OR5A1: variants seen among roughly 807,000 people sequenced by gnomAD.
OR5A1 encodes olfactory receptor 5A1.
In OR5A1, 6 loss-of-function variants were observed where a neutral mutation model predicts 6.7. The ratio of observed to expected loss-of-function variants is 0.89; its 90% CI spans 0.49 to 1.76. The LOEUF (loss-of-function observed/expected upper bound fraction) is 1.76. Ranked by LOEUF, OR5A1 falls within the 40% of genes most tolerant of loss-of-function variation. The pLI is 0.01. For synonymous variants in OR5A1, 170 were observed against 155.0 expected, an observed-to-expected ratio of 1.10 and a Z score of -0.72; for missense variants, 378 against 381.7, an observed-to-expected ratio of 0.99 and a Z score of 0.08.
intron 1 of OR5A1, among the ~76,000 whole-genome samples, chr11:59,440,894 A>G (rs1858474929): frequency 6.6e-6 from 1 of 152,216 alleles, no homozygotes; most frequent in Non-Finnish European, 1.5e-5. Context: ...AAATGACAGC[A>G]TGATGATAGC....
Position 59,445,213 on chromosome 11 carries a change from A to G in OR5A1, c.*1097A>G, listed in dbSNP as rs1355324206. 6.6e-6 allele frequency: 1 copy of G among 152,010 alleles called. No individual in the cohort carries two copies. The highest frequency in any genetic ancestry group is 1.5e-5 in the Non-Finnish European group (1 of 68,008). The allele number at this position is 152,010 out of a possible 1,614,324, so 9.4% of individuals were successfully genotyped here. A position where few individuals can be genotyped will look rare whatever the true frequency, so the allele number is the denominator to read the frequency against. ...GTGCATTGTTCCCCTCTCTGTGTCC[A>G]TGTGTTCTCATTGTTTAGCTCTTAC... On this transcript the variant is annotated 3_prime_UTR_variant, in exon 2 of 2. Coordinates refer to ENST00000641045, the MANE Select transcript of OR5A1 (RefSeq NM_001004728.2).
Position 59,448,972 on chromosome 11 carries a change from T to A in OR5A1, c.*4856T>A, listed in dbSNP as rs1858584692. 6.6e-6 allele frequency: 1 copy of A among 152,244 alleles called. No homozygotes were observed. The highest frequency in any genetic ancestry group is 1.9e-4 in the East Asian group (1 of 5,186). 9.4% of individuals were successfully genotyped at this position (152,244 alleles called of 1,614,324 possible). On this transcript the variant is annotated 3_prime_UTR_variant, in exon 2 of 2. Transcript: ENST00000641045. ...AATTTAGAGAAGGAGCCTTTGGAGATTCCTCAGACTTCCCTGTACACAGTT... is the reference window on the plus strand; with the variant it reads ...AATTTAGAGAAGGAGCCTTTGGAGAATCCTCAGACTTCCCTGTACACAGTT...
chr11:59,438,515 C>T (rs570824150), intron 1 of OR5A1, among the ~76,000 whole-genome samples: 1 of 152,228 alleles, frequency 6.6e-6, no homozygotes, highest in African/African-American at 2.4e-5. Context: ...GGGAAATTTG[C>T]TCACCGTGAT....
Position 59,444,157 on chromosome 11 carries a change from T to A in OR5A1, c.*41T>A. ...TTATTTATCCAAACTGCTGGAGAATTAAACAATCCAAGCCTTCACCTCCAC... is the reference window on the plus strand; with the variant it reads ...TTATTTATCCAAACTGCTGGAGAATAAAACAATCCAAGCCTTCACCTCCAC... On this transcript the variant is annotated 3_prime_UTR_variant, in exon 2 of 2. Coordinates refer to ENST00000641045, the MANE Select transcript of OR5A1 (RefSeq NM_001004728.2). 1 of 1,391,320 alleles carries A rather than the reference T, an allele frequency of 7.2e-7. No individual in the cohort carries two copies. Among genetic ancestry groups the A allele is most frequent in the Non-Finnish European group, 1.0e-6 (1 of 994,922 alleles). 86.2% of individuals were successfully genotyped at this position (1,391,320 alleles called of 1,614,324 possible). A position where few individuals can be genotyped will look rare whatever the true frequency, so the allele number is the denominator to read the frequency against.
Position 59,445,147 on chromosome 11 carries a change from C to G in OR5A1, c.*1031C>G, listed in dbSNP as rs1858532171. Reference sequence around the variant, plus strand: ...GCCCCACATCCGTTAGCTATTTATCCCGATGCTCTCCCTCCTCCCTGCCTC... The same window carrying G: ...GCCCCACATCCGTTAGCTATTTATCGCGATGCTCTCCCTCCTCCCTGCCTC... On this transcript the variant is annotated 3_prime_UTR_variant, in exon 2 of 2. Coordinates refer to ENST00000641045, the MANE Select transcript of OR5A1 (RefSeq NM_001004728.2). 6.6e-6 allele frequency: 1 copy of G among 152,076 alleles called. No individual in the cohort carries two copies. The highest frequency in any genetic ancestry group is 2.4e-5 in the African/African-American group (1 of 41,398). 9.4% of individuals were successfully genotyped at this position (152,076 alleles called of 1,614,324 possible).
intron 1 of OR5A1, among the ~76,000 whole-genome samples, chr11:59,440,100 G>A (rs1417604498): frequency 6.6e-6 from 1 of 152,156 alleles, no homozygotes; most frequent in East Asian, 1.9e-4. Context: ...GTCTCCCTTT[G>A]TCACCTAGGC....
rs1434142790 is a variant in OR5A1, at chr11:59,448,398, A to G, written c.*4282A>G. On this transcript the variant is annotated 3_prime_UTR_variant, in exon 2 of 2. Transcript: ENST00000641045. ...GGCCACTAGACCAGGAGCCTCATCT[A>G]GTGGAATCCAATTTGTCAGTATCTC... is the stretch of plus-strand genomic sequence containing the variant. 6.6e-6 allele frequency: 1 copy of G among 152,222 alleles called. No homozygotes were observed. The highest frequency in any genetic ancestry group is 6.5e-5 in the Admixed American group (1 of 15,280). 9.4% of individuals were successfully genotyped at this position (152,222 alleles called of 1,614,324 possible).
chr11:59,444,474 T>C lies in OR5A1; in HGVS notation c.*358T>C, dbSNP rs956187657. 6.1e-6 allele frequency: 1 copy of C among 164,254 alleles called. No homozygotes were observed. The highest frequency in any genetic ancestry group is 2.4e-5 in the African/African-American group (1 of 41,766). 10.2% of individuals were successfully genotyped at this position (164,254 alleles called of 1,614,324 possible). ...ACTAAAATACACAATGAACTATCTG[T>C]ATGTTACAAAATAAGGAAACAGTGT... is the stretch of plus-strand genomic sequence containing the variant. On this transcript the variant is annotated 3_prime_UTR_variant, in exon 2 of 2. Coordinates refer to ENST00000641045, the MANE Select transcript of OR5A1 (RefSeq NM_001004728.2).
intron 1 of OR5A1, among the ~76,000 whole-genome samples, chr11:59,440,229 A>G (rs944606171): frequency 6.6e-6 from 1 of 151,592 alleles, no homozygotes; most frequent in Non-Finnish European, 1.5e-5. Context: ...TACCCTACCA[A>G]TTTTTTCATT....
chr11:59,439,820 C>A (rs1858461992), intron 1 of OR5A1, among the ~76,000 whole-genome samples: 1 of 152,188 alleles, frequency 6.6e-6, no homozygotes, highest in African/African-American at 2.4e-5. Flanking sequence ...ACACTTCTTA[C>A]AAATCTGCAT....
rs1286255207 is a variant in OR5A1 at position 59,446,006 on chromosome 11, A to G, written c.*1890A>G. The G allele has an allele frequency of 6.6e-6, 1 of 152,146 alleles. No individual in the cohort carries two copies. The highest frequency in any genetic ancestry group is 1.5e-5 in the Non-Finnish European group (1 of 68,022). 9.4% of individuals were successfully genotyped at this position (152,146 alleles called of 1,614,324 possible). Reference sequence around the variant, plus strand: ...TAGTTTAATTAGATCCCATTTGCCAATGTTTGCTTTTGTTGCAATTGCTTT... The same window carrying G: ...TAGTTTAATTAGATCCCATTTGCCAGTGTTTGCTTTTGTTGCAATTGCTTT... On this transcript the variant is annotated 3_prime_UTR_variant, in exon 2 of 2. Coordinates refer to ENST00000641045, the MANE Select transcript of OR5A1 (RefSeq NM_001004728.2).
In OR5A1 at chr11:59,444,319, G is replaced by GAA. The variant is rs35421205; in HGVS notation, c.*222_*223dup. The GAA allele has an allele frequency of 0.015, 1,251 of 81,394 alleles. 31 individuals are homozygous for GAA. Among genetic ancestry groups the GAA allele is most frequent in the East Asian group, 0.055 (141 of 2,556 alleles). The allele number at this position is 81,394 out of a possible 1,614,324, so 5.0% of individuals were successfully genotyped here. A position where few individuals can be genotyped will look rare whatever the true frequency, so the allele number is the denominator to read the frequency against. Reference sequence around the variant, plus strand: ...GCCAAAAAGGGAAGGAATTTCTTCAGAAAAAAAAAAAAAAAAAAAAGAACC... The same window carrying GAA: ...GCCAAAAAGGGAAGGAATTTCTTCAGAAAAAAAAAAAAAAAAAAAAAAGAACC... On this transcript the variant is annotated 3_prime_UTR_variant, in exon 2 of 2. Coordinates refer to ENST00000641045, the MANE Select transcript of OR5A1 (RefSeq NM_001004728.2).
rs1193643770 is a variant in OR5A1 at position 59,446,342 on chromosome 11, A to G, written c.*2226A>G. On this transcript the variant is annotated 3_prime_UTR_variant, in exon 2 of 2. Transcript: ENST00000641045. ...GATCTCTATTGTGTTCTATTGGTCT[A>G]CGTGTCTGTTTTTGTACAAGTACCA... is the stretch of plus-strand genomic sequence containing the variant. 2.6e-5 allele frequency: 4 copies of G among 152,188 alleles called. No individual in the cohort carries two copies. Among genetic ancestry groups the G allele is most frequent in the Non-Finnish European group, 5.9e-5 (4 of 68,040 alleles). 9.4% of individuals were successfully genotyped at this position (152,188 alleles called of 1,614,324 possible). A position where few individuals can be genotyped will look rare whatever the true frequency, so the allele number is the denominator to read the frequency against.
intron 1 of OR5A1, among the ~76,000 whole-genome samples, 162 bp downstream of exon 1, chr11:59,436,997 C>A (rs563332101): frequency 5.3e-5 from 8 of 152,222 alleles, no homozygotes; most frequent in Non-Finnish European, 8.8e-5. Context: ...TCAGCCAAAT[C>A]TTTTTTTGTA....
rs1314137386 is a variant in OR5A1, at chr11:59,445,066, G to C, written c.*950G>C. 2 of 151,876 alleles carry C rather than the reference G, an allele frequency of 1.3e-5. No individual in the cohort carries two copies. The highest frequency in any genetic ancestry group is 2.4e-5 in the African/African-American group (1 of 41,328). The allele number at this position is 151,876 out of a possible 1,614,324, so 9.4% of individuals were successfully genotyped here. A position where few individuals can be genotyped will look rare whatever the true frequency, so the allele number is the denominator to read the frequency against. ...CAGGATGTGCAGGTTTGTTACATAG[G>C]TAAACATATGTCATGGTGATTTGCT... is the stretch of plus-strand genomic sequence containing the variant. On this transcript the variant is annotated 3_prime_UTR_variant, in exon 2 of 2. Transcript: ENST00000641045.
chr11:59,444,165 C>A lies in OR5A1; in HGVS notation c.*49C>A, dbSNP rs769855039. 1.5e-6 allele frequency: 2 copies of A among 1,303,874 alleles called. No homozygotes were observed. Among genetic ancestry groups the A allele is most frequent in the South Asian group, 2.6e-5 (2 of 77,668 alleles). The allele number at this position is 1,303,874 out of a possible 1,614,324, so 80.8% of individuals were successfully genotyped here. A position where few individuals can be genotyped will look rare whatever the true frequency, so the allele number is the denominator to read the frequency against. On this transcript the variant is annotated 3_prime_UTR_variant, in exon 2 of 2. Transcript: ENST00000641045. Reference sequence around the variant, plus strand: ...CCAAACTGCTGGAGAATTAAACAATCCAAGCCTTCACCTCCACCTCTGCCT... The same window carrying A: ...CCAAACTGCTGGAGAATTAAACAATACAAGCCTTCACCTCCACCTCTGCCT...
At chr11:59,440,914 CT>C (rs1285788881) in intron 1 of OR5A1, among the ~76,000 whole-genome samples, 1 of 152,102 alleles carries the variant, frequency 6.6e-6, no homozygotes, top group African/African-American at 2.4e-5. Flanking sequence ...CTAAAAGGAG[CT>C]TCACATTCTC....
In OR5A1 at chr11:59,444,032, G is replaced by A; in HGVS notation, c.864G>A (p.Leu288=). 2.5e-6 allele frequency: 4 copies of A among 1,614,074 alleles called. No individual in the cohort carries two copies. The highest frequency in any genetic ancestry group is 3.4e-6 in the Non-Finnish European group (4 of 1,179,984). ...SVFYSLVIPM[L]NPLIYSLRNK... ...TCTATTCATTGGTGATCCCCATGCT[G>A]AACCCTCTCATTTACAGTTTGAGGA... Residue 288 remains leucine, a synonymous_variant, in exon 2 of 2, where the codon CTG becomes CTA. Transcript: ENST00000641045.
In OR5A1 at chr11:59,445,884, T is replaced by G. The variant is rs892493203; in HGVS notation, c.*1768T>G. 9.8e-5 allele frequency: 15 copies of G among 152,332 alleles called. No homozygotes were observed. The highest frequency in any genetic ancestry group is 2.1e-4 in the Non-Finnish European group (14 of 68,016). 9.4% of individuals were successfully genotyped at this position (152,332 alleles called of 1,614,324 possible). A position where few individuals can be genotyped will look rare whatever the true frequency, so the allele number is the denominator to read the frequency against. On this transcript the variant is annotated 3_prime_UTR_variant, in exon 2 of 2. Transcript: ENST00000641045. ...TTTGTTTTTTTCTTGTAAATTTGTT[T>G]AAGTTACCTTTGTCAGATAGATAGA...
Sources: gnomAD v4.1 joint callset for allele counts (sites outside exome capture counted in the v4.1 genomes callset) on GRCh38, gnomAD v4.1.1 for gene constraint, MANE v1.5 for transcripts, NCBI Gene and HGNC (gene_info 2026-07-23, HGNC 2026-07-21) for gene names.